Variants in KDM4C observed in about 807,000 individuals in gnomAD.
The protein encoded by KDM4C is lysine-specific demethylase 4C.
Under a neutral mutation model 129.3 loss-of-function variants are expected in KDM4C, and 81 were observed. That is an observed-to-expected ratio of 0.63 (90% CI 0.52 to 0.75). The LOEUF (loss-of-function observed/expected upper bound fraction) is 0.75. Ranked by LOEUF, KDM4C falls within the 30% of genes least tolerant of loss-of-function variation. KDM4C has a pLI of 0.00. For synonymous variants in KDM4C, 573 were observed against 456.1 expected (o/e 1.26, Z -3.26); for missense variants, 1,457 against 1,304.0 (o/e 1.12, Z -1.81).
At chr9:6,802,432 C>T (rs1007329332) in intron 2 of KDM4C, among the ~76,000 whole-genome samples, 1 of 152,126 alleles carries the variant, frequency 6.6e-6, no homozygotes, top group Non-Finnish European at 1.5e-5. Context: ...GTTTTAGAGA[C>T]CCATGTGCAT....
chr9:6,793,965 C>T (rs557800758), intron 2 of KDM4C, among the ~76,000 whole-genome samples: 34 of 152,204 alleles, frequency 2.2e-4, no homozygotes, highest in African/African-American at 7.9e-4. Flanking sequence ...CAATCATTAC[C>T]GCTATAGAAT....
intron 5 of KDM4C, among the ~76,000 whole-genome samples, chr9:6,879,319 C>G (rs1161341779): frequency 6.6e-6 from 1 of 152,044 alleles, no homozygotes; most frequent in East Asian, 1.9e-4. Context: ...AATTTCTTAG[C>G]AAGTCCATAG....
chr9:7,053,853 G>T (rs142746975), intron 17 of KDM4C, among the ~76,000 whole-genome samples: 1 of 152,288 alleles, frequency 6.6e-6, no homozygotes, highest in South Asian at 2.1e-4. Context: ...TCCTGTTACA[G>T]GGCAGAAATG....
At chr9:7,114,322 C>T (rs1838659621) in intron 18 of KDM4C, among the ~76,000 whole-genome samples, 1 of 151,990 alleles carries the variant, frequency 6.6e-6, no homozygotes, top group South Asian at 2.1e-4. Flanking sequence ...GTCTAGTCAC[C>T]CTCAGGGACA....
At chr9:6,914,573 A>T (rs948375827) in intron 8 of KDM4C, among the ~76,000 whole-genome samples, 1 of 152,164 alleles carries the variant, frequency 6.6e-6, no homozygotes, top group African/African-American at 2.4e-5. Context: ...ATTTATTATT[A>T]TGTCTGCTAT....
At chr9:6,948,692 G>C (rs953958408) in intron 8 of KDM4C, among the ~76,000 whole-genome samples, 1 of 151,698 alleles carries the variant, frequency 6.6e-6, no homozygotes, top group Non-Finnish European at 1.5e-5. Flanking sequence ...GACTCTTAAC[G>C]AGCATGCTGC....
intron 5 of KDM4C, among the ~76,000 whole-genome samples, chr9:6,862,751 G>A (rs996939380): frequency 2.6e-5 from 4 of 152,128 alleles, no homozygotes; most frequent in Non-Finnish European, 5.9e-5. Flanking sequence ...AGGATGCAGT[G>A]AGCCGAGATC....
At chr9:6,724,316 A>G (rs1817054958) in intron 1 of KDM4C, among the ~76,000 whole-genome samples, 1 of 152,180 alleles carries the variant, frequency 6.6e-6, no homozygotes, top group Non-Finnish European at 1.5e-5. Context: ...ACTCCATTTA[A>G]GCAGCAATTG....
rs1554714659 is a variant in KDM4C, at chr9:6,842,334, T to TTG, written c.436-7173_436-7172insTG. Among the ~76,000 whole-genome samples the TTG allele has an allele frequency of 2.8e-3, 351 of 124,140 alleles. 6 individuals carry two copies. Among genetic ancestry groups the TTG allele is most frequent in the South Asian group, 0.013 (48 of 3,594 alleles). 81.4% of individuals were successfully genotyped at this position (124,140 alleles called of 152,430 possible). A position where few individuals can be genotyped will look rare whatever the true frequency, so the allele number is the denominator to read the frequency against. On this transcript the variant is annotated intron_variant, in intron 4 of 21. Transcript: ENST00000381309. ...TTTCTTTTTTTTTTTTTTTTTTTTT[T>TTG]GAGACGGAGTCTTGCTCTGTCACCT...
At chr9:7,028,120 A>G (rs1179109432) in intron 15 of KDM4C, among the ~76,000 whole-genome samples, 2 of 152,030 alleles carry the variant, frequency 1.3e-5, no homozygotes, top group Non-Finnish European at 1.5e-5. Context: ...AGAGAAAGTC[A>G]CCTTTACTTT....
At chr9:7,026,141 G>C (rs112129703) in intron 15 of KDM4C, among the ~76,000 whole-genome samples, 32,171 of 151,488 alleles carry the variant, frequency 0.21, 3,666 homozygotes, top group Non-Finnish European at 0.24. Flanking sequence ...GGAGACGAAG[G>C]TTGCAGTGAG....
At chr9:6,901,370 C>T (rs186657431) in intron 8 of KDM4C, among the ~76,000 whole-genome samples, 1 of 152,184 alleles carries the variant, frequency 6.6e-6, no homozygotes, top group Non-Finnish European at 1.5e-5. Flanking sequence ...AGGGCTCTTA[C>T]CTCACATAAG....
rs200723238 is a variant in KDM4C, at chr9:6,863,831, A to AG, written c.629+14134dup. Among the ~76,000 whole-genome samples the AG allele has an allele frequency of 4.3e-4, 63 of 147,914 alleles. 1 individual carries two copies. In the East Asian group the frequency reaches 0.013, roughly 30 times the overall value. On this transcript the variant is annotated intron_variant, in intron 5 of 21. Coordinates refer to ENST00000381309, the MANE Select transcript of KDM4C (RefSeq NM_015061.6). ...AAAAAAAGAGAGAGAGAAGGAAGGGAGGGCCAGGCTCTTTTTAACAGCCAG... is the reference window on the plus strand; with the variant it reads ...AAAAAAAGAGAGAGAGAAGGAAGGGAGGGGCCAGGCTCTTTTTAACAGCCAG...
rs370785724 is a variant in KDM4C, at chr9:6,722,443, T to G, written c.49+1446T>G. On this transcript the variant is annotated intron_variant, in intron 1 of 17. Transcript: ENST00000536108. ...CTGTAATCCTAGCACTTTGGGAGGC[T>G]GAGGCGGGCAGATCTGTTGAGCTCA... Among the ~76,000 whole-genome samples, 5 of 152,046 alleles carry G rather than the reference T, an allele frequency of 3.3e-5. No homozygotes were observed. The East Asian group carries it at 5.8e-4, about 18-fold the overall frequency.
At chr9:6,857,727 A>T (rs1374175430) in intron 5 of KDM4C, among the ~76,000 whole-genome samples, 1 of 151,934 alleles carries the variant, frequency 6.6e-6, no homozygotes, top group Non-Finnish European at 1.5e-5. Context: ...CGTGCAAAGC[A>T]AATAGTTTTC....
At chr9:6,749,842 C>T (rs747044946) in intron 1 of KDM4C, among the ~76,000 whole-genome samples, 10 of 150,878 alleles carry the variant, frequency 6.6e-5, no homozygotes, top group South Asian at 2.1e-4. Context: ...CAAAATTAGC[C>T]GGGTGTGGTG....
At chr9:7,066,261 C>G (rs1345282591) in intron 17 of KDM4C, among the ~76,000 whole-genome samples, 1 of 152,158 alleles carries the variant, frequency 6.6e-6, no homozygotes, top group Admixed American at 6.5e-5. Flanking sequence ...GGTCATCCCT[C>G]TCATGGGATT....
chr9:6,790,183 C>T (rs1351154826), intron 1 of KDM4C, among the ~76,000 whole-genome samples: 4 of 146,670 alleles, frequency 2.7e-5, no homozygotes, highest in African/African-American at 4.9e-5. Flanking sequence ...GGATTACAGG[C>T]GTGAGCCACC....
chr9:6,735,081 C>CA (rs1817483585), intron 1 of KDM4C: 1 of 428,054 alleles, frequency 2.3e-6, no homozygotes, highest in Non-Finnish European at 4.6e-6. Context: ...CTTCATGGTT[C>CA]CAGCAGCCTA....
Sources: allele counts gnomAD v4.1 joint callset (sites outside exome capture counted in the v4.1 genomes callset), GRCh38; gene constraint gnomAD v4.1.1; transcripts MANE v1.5; gene names NCBI Gene and HGNC (gene_info 2026-07-23, HGNC 2026-07-21).